The following TENM3 variants were observed in gnomAD, a reference collection of about 807,000 sequenced individuals.
The protein encoded by TENM3 is teneurin transmembrane protein 3.
In TENM3, 63 loss-of-function variants were observed where a neutral mutation model predicts 255.1. The ratio of observed to expected loss-of-function variants is 0.25; its 90% CI spans 0.20 to 0.30. The LOEUF (loss-of-function observed/expected upper bound fraction) is 0.30. Ranked by LOEUF, TENM3 falls within the 10% of genes least tolerant of loss-of-function variation. TENM3 has a pLI of 1.00. For missense variants in TENM3, 2,929 were observed against 3,461.1 expected, an observed-to-expected ratio of 0.85 and a Z score of 3.86; for synonymous variants, 1,306 against 1,322.3, an observed-to-expected ratio of 0.99 and a Z score of 0.27.
At chr4:182,500,918 A>G (rs910481124) in intron 3 of TENM3, among the ~76,000 whole-genome samples, 4 of 152,152 alleles carry the variant, frequency 2.6e-5, no homozygotes, top group African/African-American at 9.7e-5. Flanking sequence ...TTTTTATTTA[A>G]TATATACTCT....
chr4:182,028,840 T>C, the TENM3 span, among the ~76,000 whole-genome samples: 1 of 151,670 alleles, frequency 6.6e-6, no homozygotes, highest in South Asian at 2.1e-4. Context: ...TTAAATATTT[T>C]AAGACTTGTT....
chr4:182,596,005 G>A (rs1462309462), intron 3 of TENM3, among the ~76,000 whole-genome samples: 2 of 151,928 alleles, frequency 1.3e-5, no homozygotes, highest in Admixed American at 6.6e-5. Context: ...AGTCTTTGGG[G>A]TGAGTGGCAT....
the TENM3 span, among the ~76,000 whole-genome samples, chr4:182,032,661 A>T: frequency 1.3e-5 from 2 of 152,256 alleles, no homozygotes; most frequent in South Asian, 4.1e-4. Flanking sequence ...GGTAGAATTC[A>T]GTTGTAAATC....
At chr4:182,004,095 T>C in the TENM3 span, among the ~76,000 whole-genome samples, 2 of 151,582 alleles carry the variant, frequency 1.3e-5, no homozygotes, top group African/African-American at 4.9e-5. Flanking sequence ...TTATTTCTTC[T>C]AAAAAAACAA....
At chr4:181,930,175 A>G in the TENM3 span, among the ~76,000 whole-genome samples, 1 of 152,194 alleles carries the variant, frequency 6.6e-6, no homozygotes, top group African/African-American at 2.4e-5. Flanking sequence ...GTAAGATCAG[A>G]GCAGAACTGA....
intron 18 of TENM3, among the ~76,000 whole-genome samples, chr4:182,741,396 C>T (rs1288090112): frequency 6.6e-6 from 1 of 152,120 alleles, no homozygotes; most frequent in Non-Finnish European, 1.5e-5. Context: ...AATACGGAAA[C>T]GTAGATGCTG....
At chr4:182,558,486 A>C (rs547463194) in intron 3 of TENM3, among the ~76,000 whole-genome samples, 4 of 152,154 alleles carry the variant, frequency 2.6e-5, no homozygotes, top group Non-Finnish European at 5.9e-5. Flanking sequence ...ACTCTAGATG[A>C]AGGGGATAAA....
the TENM3 span, among the ~76,000 whole-genome samples, chr4:181,662,642 A>G: frequency 6.6e-6 from 1 of 152,184 alleles, no homozygotes; most frequent in Non-Finnish European, 1.5e-5. Context: ...TAATTTTAGT[A>G]TTATGAAGAC....
intron 22 of TENM3, among the ~76,000 whole-genome samples, chr4:182,770,004 G>C (rs879259063): frequency 3.3e-5 from 5 of 151,772 alleles, no homozygotes; most frequent in Non-Finnish European, 7.4e-5. Context: ...TACTCAGGAG[G>C]CTGAGGGAGG....
At position 182,426,007 on chromosome 4, in the gene TENM3, C is replaced by CAAAAAAAAA. The variant is rs55836889; in HGVS notation, c.511+79093_511+79101dup. Among the ~76,000 whole-genome samples the CAAAAAAAAA allele has an allele frequency of 1.2e-4, 11 of 90,716 alleles. 1 individual carries two copies. Among genetic ancestry groups the CAAAAAAAAA allele is most frequent in the Non-Finnish European group, 2.2e-4 (10 of 45,366 alleles). 59.5% of individuals were successfully genotyped at this position (90,716 alleles called of 152,430 possible). A position where few individuals can be genotyped will look rare whatever the true frequency, so the allele number is the denominator to read the frequency against. ...TAAGAGACAGAGCGAGAGTCCATGT[C>CAAAAAAAAA]AAAAAAAAAAAAAAAAAAAAAAACA... On this transcript the variant is annotated intron_variant, in intron 3 of 27. Transcript: ENST00000511685.
the TENM3 span, among the ~76,000 whole-genome samples, chr4:181,878,226 A>G: frequency 6.6e-6 from 1 of 152,116 alleles, no homozygotes; most frequent in Admixed American, 6.5e-5. Flanking sequence ...AAGGCTGTGT[A>G]TCATTATATT....
At chr4:182,487,247 A>G (rs986162895) in intron 3 of TENM3, among the ~76,000 whole-genome samples, 1 of 152,160 alleles carries the variant, frequency 6.6e-6, no homozygotes, top group African/African-American at 2.4e-5. Context: ...TCTGATACCA[A>G]AGTTACCTGT....
intron 1 of TENM3, among the ~76,000 whole-genome samples, chr4:182,285,311 T>TA (rs1443181071): frequency 6.6e-6 from 1 of 152,076 alleles, no homozygotes; most frequent in African/African-American, 2.4e-5. Flanking sequence ...TATAAGGAAT[T>TA]AACAGTCATA....
chr4:181,873,701 T>A, the TENM3 span, among the ~76,000 whole-genome samples: 1 of 152,160 alleles, frequency 6.6e-6, no homozygotes, highest in East Asian at 1.9e-4. Flanking sequence ...ATGTTTTAAG[T>A]GCATTTGAAA....
chr4:181,931,244 A>G, the TENM3 span, among the ~76,000 whole-genome samples: 4 of 152,244 alleles, frequency 2.6e-5, no homozygotes, highest in Admixed American at 2.0e-4. Context: ...TGCAGATGAC[A>G]TAATTGTATA....
the TENM3 span, among the ~76,000 whole-genome samples, chr4:181,938,193 C>A: frequency 4.6e-5 from 7 of 152,206 alleles, no homozygotes; most frequent in Admixed American, 2.6e-4. Context: ...CTAGAAGGAG[C>A]CTTAGCTGTC....
chr4:182,411,890 A>G (rs1286801613), intron 3 of TENM3, among the ~76,000 whole-genome samples: 2 of 152,228 alleles, frequency 1.3e-5, no homozygotes, highest in Non-Finnish European at 1.5e-5. Context: ...ATTTTAAAAC[A>G]TTAATCAAAA....
intron 3 of TENM3, among the ~76,000 whole-genome samples, chr4:182,543,902 C>A (rs1279101380): frequency 6.6e-6 from 1 of 151,964 alleles, no homozygotes; most frequent in African/African-American, 2.4e-5. Context: ...CAGATGATAT[C>A]ATCAATATAA....
intron 2 of TENM3, among the ~76,000 whole-genome samples, chr4:182,338,491 G>A (rs1764279445): frequency 6.6e-6 from 1 of 152,100 alleles, no homozygotes; most frequent in African/African-American, 2.4e-5. Context: ...TTGGGGGAGG[G>A]GGAGGCAGTT....
Sources: gnomAD v4.1 joint callset for allele counts (sites outside exome capture counted in the v4.1 genomes callset) on GRCh38, gnomAD v4.1.1 for gene constraint, MANE v1.5 for transcripts, NCBI Gene and HGNC (gene_info 2026-07-23, HGNC 2026-07-21) for gene names.